Variants in RPTOR observed in about 807,000 individuals in gnomAD.
RPTOR encodes regulatory associated protein of MTOR complex 1.
A neutral mutation model predicts 169.9 loss-of-function variants in RPTOR; 21 were observed. The observed-to-expected ratio is 0.12, with a 90% confidence interval of 0.09 to 0.18. RPTOR has a LOEUF of 0.18. Ranked by LOEUF, RPTOR falls within the 10% of genes least tolerant of loss-of-function variation. The probability of loss-of-function intolerance (pLI) is 1.00; values close to 1 mark genes in which losing one functional copy is unlikely to be tolerated. For missense variants in RPTOR, 1,133 were observed against 1,855.9 expected (o/e 0.61, Z 7.16); for synonymous variants, 732 against 753.2 (o/e 0.97, Z 0.46).
At chr17:80,806,125 G>A (rs1188593243) in intron 7 of RPTOR, among the ~76,000 whole-genome samples, 4 of 152,146 alleles carry the variant, frequency 2.6e-5, no homozygotes, top group Non-Finnish European at 5.9e-5. Context: ...TTTTTAAAAA[G>A]CCAGTCAGCT....
At chr17:80,759,514 T>A (rs1273944466) in intron 6 of RPTOR, among the ~76,000 whole-genome samples, 2 of 152,186 alleles carry the variant, frequency 1.3e-5, no homozygotes, top group Non-Finnish European at 2.9e-5. Context: ...AGGTGGCGGC[T>A]CTTTTACAAT....
intron 1 of RPTOR, among the ~76,000 whole-genome samples, chr17:80,571,937 A>T (rs955830065): frequency 6.6e-6 from 1 of 152,194 alleles, no homozygotes; most frequent in Non-Finnish European, 1.5e-5. Flanking sequence ...GTTGAGAAAA[A>T]CATTTAGGTA....
rs1164743431 is a variant in RPTOR at position 80,726,213 on chromosome 17, A to C, written c.508-4347A>C. 6.6e-6 allele frequency among the ~76,000 whole-genome samples: 1 copy of C among 152,134 alleles called. No individual in the cohort carries two copies. The highest frequency in any genetic ancestry group is 2.4e-5 in the African/African-American group (1 of 41,440). ...ATCCCAGTGGCTGTTACGGGGTGAA[A>C]GCCCCTCTTAGAATTTAAAGTCCTA... On this transcript the variant is annotated intron_variant, in intron 4 of 33. Coordinates refer to ENST00000306801, the MANE Select transcript of RPTOR (RefSeq NM_020761.3). The surrounding 1 kb of genome is among the most constrained non-coding windows in gnomAD (Gnocchi z 4.5).
chr17:80,743,873 A>T lies in RPTOR; in HGVS notation c.655-10137A>T, dbSNP rs62067959. On this transcript the variant is annotated intron_variant, in intron 5 of 33. Coordinates refer to ENST00000306801, the MANE Select transcript of RPTOR (RefSeq NM_020761.3). ...CTAGCAGAGCCCTGGCTACTAGCAC[A>T]GCCCTGGCTACTAGCACTGTCCTGG... is the stretch of plus-strand genomic sequence containing the variant. Among the ~76,000 whole-genome samples, 197 of 68,200 alleles carry T rather than the reference A, an allele frequency of 2.9e-3. 29 individuals are homozygous for T. Among genetic ancestry groups the T allele is most frequent in the Non-Finnish European group, 3.5e-3 (114 of 32,552 alleles). 44.7% of individuals were successfully genotyped at this position (68,200 alleles called of 152,430 possible).
intron 5 of RPTOR, chr17:80,743,390 G>T: frequency 2.0e-6 from 2 of 985,508 alleles, no homozygotes; most frequent in South Asian, 9.4e-5. Context: ...TGTCTAACCT[G>T]AGCCGTAGAA....
intron 3 of RPTOR, among the ~76,000 whole-genome samples, chr17:80,682,486 G>A (rs1421641213): frequency 6.6e-6 from 1 of 152,218 alleles, no homozygotes; most frequent in African/African-American, 2.4e-5. Context: ...TTATGAGTGA[G>A]AAGCAGAGGA....
intron 32 of RPTOR, 62 bp from the exon 33 acceptor site, chr17:80,962,866 G>GCGC: frequency 6.2e-7 from 1 of 1,606,440 alleles, no homozygotes; most frequent in Middle Eastern, 1.7e-4. Flanking sequence ...CTCGGCATCT[G>GCGC]CGCCCATCTT....
At chr17:80,951,580 G>A (rs562962574) in intron 28 of RPTOR, among the ~76,000 whole-genome samples, 1 of 152,352 alleles carries the variant, frequency 6.6e-6, no homozygotes, top group East Asian at 1.9e-4. Flanking sequence ...GGTTGCACAG[G>A]ACATGGGAAA....
chr17:80,717,633 C>G (rs543644465), intron 4 of RPTOR, among the ~76,000 whole-genome samples: 2 of 152,210 alleles, frequency 1.3e-5, no homozygotes, highest in Admixed American at 6.5e-5. Context: ...AGGCTCCCTC[C>G]ATCAAAACGA....
intron 25 of RPTOR, among the ~76,000 whole-genome samples, chr17:80,942,243 G>A (rs1026028955): frequency 2.0e-5 from 3 of 151,686 alleles, no homozygotes; most frequent in Non-Finnish European, 2.9e-5. Context: ...GGGGCTGCCT[G>A]CTGCCTGAGA....
chr17:80,854,246 G>T (rs887573785), intron 11 of RPTOR, among the ~76,000 whole-genome samples: 7 of 152,172 alleles, frequency 4.6e-5, no homozygotes, highest in Non-Finnish European at 1.0e-4. Flanking sequence ...GTGTAATATG[G>T]GCTAGTATTG....
In RPTOR at chr17:80,656,195, C is replaced by T. The variant is rs561562753; in HGVS notation, c.348+12385C>T. 1.3e-3 allele frequency among the ~76,000 whole-genome samples: 193 copies of T among 152,256 alleles called. 1 individual carries two copies. The highest frequency in any genetic ancestry group is 6.4e-3 in the South Asian group (31 of 4,820). ...AAGCGATTCTCCTGTCTCAGCCTCC[C>T]GAGTAGCTGAGATTACAGGCATGTG... On this transcript the variant is annotated intron_variant, in intron 3 of 33. Coordinates refer to ENST00000306801, the MANE Select transcript of RPTOR (RefSeq NM_020761.3).
chr17:80,730,768 GTTTGGGT>G lies in RPTOR; in HGVS notation c.654+63_654+69del. The G allele has an allele frequency of 8.8e-5, 49 of 555,330 alleles. No homozygotes were observed. The highest frequency in any genetic ancestry group is 1.4e-4 in the Non-Finnish European group (43 of 302,742). 34.4% of individuals were successfully genotyped at this position (555,330 alleles called of 1,614,324 possible). A position where few individuals can be genotyped will look rare whatever the true frequency, so the allele number is the denominator to read the frequency against. On this transcript the variant is annotated intron_variant, in intron 5 of 33. Transcript: ENST00000306801. The surrounding 1 kb of genome is among the most constrained non-coding windows in gnomAD (Gnocchi z 4.2). ...TGGTTTTGTTTTCCCTGGGGGTGGGGTTTGGGTGGGGAGGTTGGGAGGTGTTGGACAT... is the reference window on the plus strand; with the variant it reads ...TGGTTTTGTTTTCCCTGGGGGTGGGGGGGGAGGTTGGGAGGTGTTGGACAT...
rs1006117360 is a variant in RPTOR, at chr17:80,763,439, A to G, written c.830+9254A>G. 8.0e-4 allele frequency among the ~76,000 whole-genome samples: 122 copies of G among 152,334 alleles called. 1 individual carries two copies. Among genetic ancestry groups the G allele is most frequent in the African/African-American group, 2.7e-3 (113 of 41,568 alleles). On this transcript the variant is annotated intron_variant, in intron 6 of 33. Transcript: ENST00000306801. The stretch of plus-strand genomic sequence containing the variant: ...ATTGTGGTAAAACGAACAGGAAAGC[A>G]GGAAGGTATATACTGATGATGACTG...
chr17:80,733,182 C>T (rs1032438176), intron 5 of RPTOR, among the ~76,000 whole-genome samples: 10 of 152,092 alleles, frequency 6.6e-5, no homozygotes, highest in South Asian at 4.1e-4. Context: ...GAGTAGAAGA[C>T]GACTTCATCA....
intron 28 of RPTOR, among the ~76,000 whole-genome samples, chr17:80,952,859 T>C (rs1568007938): frequency 6.4e-4 from 6 of 9,330 alleles, no homozygotes; most frequent in African/African-American, 2.6e-3. Context: ...TTTCTTCTTT[T>C]TTTTTTTTTT....
chr17:80,892,298 T>C (rs2068335434), intron 18 of RPTOR, among the ~76,000 whole-genome samples: 1 of 152,148 alleles, frequency 6.6e-6, no homozygotes, highest in Admixed American at 6.5e-5. Context: ...CAGCCGTCTC[T>C]GCCGTGCAGG....
At chr17:80,847,355 T>C (rs1598350549) in intron 11 of RPTOR, among the ~76,000 whole-genome samples, 1 of 152,228 alleles carries the variant, frequency 6.6e-6, no homozygotes, top group East Asian at 1.9e-4. Flanking sequence ...GAGGAGTTCG[T>C]CACAGGTAGT....
chr17:80,674,809 A>C (rs1022488775), intron 3 of RPTOR, among the ~76,000 whole-genome samples: 28 of 148,162 alleles, frequency 1.9e-4, no homozygotes, highest in Admixed American at 8.0e-4. Flanking sequence ...AAAAAAAAAA[A>C]AAAAAAAAAA....
Sources: gnomAD v4.1 joint callset for allele counts (sites outside exome capture counted in the v4.1 genomes callset) on GRCh38, gnomAD v4.1.1 for gene constraint, Gnocchi (gnomAD v3.1) non-coding constraint, MANE v1.5 for transcripts, NCBI Gene and HGNC (gene_info 2026-07-23, HGNC 2026-07-21) for gene names.